The following ABCB11 variants were observed in gnomAD, a reference collection of about 807,000 sequenced individuals.
The protein encoded by ABCB11 is bile salt export pump.
In ABCB11, 95 loss-of-function variants were observed where a neutral mutation model predicts 148.0. The observed-to-expected ratio is 0.64, with a 90% CI of 0.54 to 0.76. ABCB11 has a LOEUF of 0.76. ABCB11 is among the 30% of genes least tolerant of loss of function. The pLI is 0.00. For synonymous variants in ABCB11, 591 were observed against 555.4 expected (o/e 1.06, Z -0.90); for missense variants, 1,523 against 1,617.8 (o/e 0.94, Z 1.01).
Position 168,971,847 on chromosome 2 carries a change from C to T in ABCB11, c.1638G>A (p.Gln546=), listed in dbSNP as rs1558896713. 6.2e-7 allele frequency: 1 copy of T among 1,612,362 alleles called. No individual in the cohort carries two copies. Among genetic ancestry groups the T allele is most frequent in the Admixed American group, 1.7e-5 (1 of 59,884 alleles). ...CCCAGGAATGTATGGCTAGGGGTAC[C>T]TGTGGCAGGTCCATGATGAAGTTGT... ...NAYNFIMDLP[Q]QFDTLVGEGG... The change falls in exon 14 of 28, where the codon CAG becomes CAA. Residue 546 remains glutamine, a splice_region_variant and synonymous_variant. Coordinates refer to ENST00000650372, the MANE Select transcript of ABCB11 (RefSeq NM_003742.4).
intron 11 of ABCB11, among the ~76,000 whole-genome samples, chr2:168,977,198 G>T (rs1693948753): frequency 6.7e-6 from 1 of 150,352 alleles, no homozygotes; most frequent in Admixed American, 6.7e-5. Flanking sequence ...TAATATAGGA[G>T]ACAATGTACT....
intron 18 of ABCB11, among the ~76,000 whole-genome samples, chr2:168,963,013 G>A (rs898343545): frequency 4.6e-5 from 7 of 151,618 alleles, no homozygotes; most frequent in Admixed American, 3.3e-4. Flanking sequence ...ATTTTCATAC[G>A]GTCATAAAGA....
Position 168,972,131 on chromosome 2 carries a change from T to C in ABCB11, c.1435-81A>G, listed in dbSNP as rs1014856481. The C allele has an allele frequency of 7.4e-5, 98 of 1,329,598 alleles. 2 individuals are homozygous for C. In the Admixed American group the frequency reaches 1.9e-3, roughly 26 times the overall value. 82.4% of individuals were successfully genotyped at this position (1,329,598 alleles called of 1,614,324 possible). On this transcript the variant is annotated intron_variant, in intron 13 of 27. Coordinates refer to ENST00000650372, the MANE Select transcript of ABCB11 (RefSeq NM_003742.4). ...ATAATATTATGTCATACTTGACCAA[T>C]GGGCAGAAAAAATAGAGGCCAATAA...
chr2:169,006,433 C>T (rs1044149638), intron 5 of ABCB11, among the ~76,000 whole-genome samples: 8 of 152,034 alleles, frequency 5.3e-5, no homozygotes, highest in African/African-American at 1.9e-4. Flanking sequence ...TAGCTAATGC[C>T]ATACTTAATG....
intron 21 of ABCB11, among the ~76,000 whole-genome samples, chr2:168,942,503 G>T (rs1403561523): frequency 1.8e-4 from 1 of 5,680 alleles, no homozygotes; most frequent in Non-Finnish European, 6.6e-4. Flanking sequence ...TAAAACAAAG[G>T]GTGCAAAAAA....
chr2:168,992,709 C>A (rs1456872750), intron 8 of ABCB11, among the ~76,000 whole-genome samples: 3 of 152,164 alleles, frequency 2.0e-5, no homozygotes, highest in African/African-American at 7.2e-5. Context: ...TCCTGAGTCA[C>A]ACAACCTGTT....
At chr2:168,939,983 C>T (rs542961419) in intron 21 of ABCB11, among the ~76,000 whole-genome samples, 244 of 152,174 alleles carry the variant, frequency 1.6e-3, no homozygotes, top group African/African-American at 5.8e-3. Flanking sequence ...AAAACTTATT[C>T]AATAAATGTG....
chr2:168,986,301 C>T lies in ABCB11; in HGVS notation c.909-17G>A, dbSNP rs7602204. 55,396 of 1,606,816 alleles carry T rather than the reference C, an allele frequency of 0.034. 4,404 individuals carry two copies. The highest frequency in any genetic ancestry group is 0.32 in the African/African-American group (24,018 of 74,470). ...TTCTCATACCTGTGAAGACAAAATGCTTGAGTCAATTTCGGCAGAAACAGC... is the reference window on the plus strand; with the variant it reads ...TTCTCATACCTGTGAAGACAAAATGTTTGAGTCAATTTCGGCAGAAACAGC... On this transcript the variant is annotated splice_polypyrimidine_tract_variant and intron_variant, in intron 9 of 27. Coordinates refer to ENST00000650372, the MANE Select transcript of ABCB11 (RefSeq NM_003742.4).
Position 168,964,260 on chromosome 2 carries a change from G to A in ABCB11, c.2124C>T (p.His708=), listed in dbSNP as rs765432258. 1.5e-5 allele frequency: 23 copies of A among 1,570,766 alleles called. No individual in the cohort carries two copies. The highest frequency in any genetic ancestry group is 1.2e-4 in the East Asian group (5 of 42,874). ...RSKSQLSYLV[H]EPPLAVVDHK... ...GATCTACAACAGCTAATGGAGGTTC[G>A]TGCACCAGGTAAGAAAGCTGAGACT... The change falls in exon 18 of 28, where the codon CAC becomes CAT. Residue 708 remains histidine (H), a synonymous_variant. Coordinates refer to ENST00000650372, the MANE Select transcript of ABCB11 (RefSeq NM_003742.4).
At chr2:169,030,867 T>C (rs1695845639) in intron 1 of ABCB11, among the ~76,000 whole-genome samples, 1 of 152,216 alleles carries the variant, frequency 6.6e-6, no homozygotes, top group South Asian at 2.1e-4. Flanking sequence ...GCAAACAGAA[T>C]TGTGCTTTCA....
chr2:169,004,583 G>A (rs1694967610), intron 5 of ABCB11, among the ~76,000 whole-genome samples: 2 of 152,068 alleles, frequency 1.3e-5, no homozygotes, highest in Admixed American at 1.3e-4. Flanking sequence ...CCTGTATCAT[G>A]TTTTTTATTT....
At chr2:168,952,553 CTGTTA>C (rs1188679537) in intron 19 of ABCB11, among the ~76,000 whole-genome samples, 1 of 150,986 alleles carries the variant, frequency 6.6e-6, no homozygotes, top group Non-Finnish European at 1.5e-5. Flanking sequence ...TCTGTGGTAT[CTGTTA>C]TAATATCTTC....
intron 14 of ABCB11, among the ~76,000 whole-genome samples, chr2:168,971,517 A>T (rs1185895290): frequency 1.3e-5 from 2 of 152,046 alleles, no homozygotes; most frequent in Non-Finnish European, 2.9e-5. Flanking sequence ...ATCTGCTTAG[A>T]CAAATGCTTA....
chr2:168,970,146 C>T lies in ABCB11; in HGVS notation c.1708G>A (p.Ala570Thr), dbSNP rs886043807. 11 of 1,612,798 alleles carry T rather than the reference C, an allele frequency of 6.8e-6. No individual in the cohort carries two copies. The Admixed American group carries it at 1.2e-4, about 17-fold the overall frequency. The change falls in exon 15 of 28, where the codon GCC becomes ACC. Residue 570 changes from alanine to threonine, a missense_variant. Coordinates refer to ENST00000650372, the MANE Select transcript of ABCB11 (RefSeq NM_003742.4). ...TTGGGATTTCGGATGAGGGCTCTGG[C>T]GATAGCTACCCTTTGTTTCTGGCCA... ...SGGQKQRVAI[A>T]RALIRNPKIL...
At chr2:168,960,503 T>C (rs1693020513) in intron 18 of ABCB11, among the ~76,000 whole-genome samples, 1 of 151,732 alleles carries the variant, frequency 6.6e-6, no homozygotes, top group African/African-American at 2.4e-5. Flanking sequence ...GAAGTTATCC[T>C]TAACTCTAAA....
intron 1 of ABCB11, among the ~76,000 whole-genome samples, chr2:169,024,002 A>G (rs1695616537): frequency 6.6e-6 from 1 of 151,994 alleles, no homozygotes; most frequent in African/African-American, 2.4e-5. Context: ...ATATGGATAC[A>G]GGGAGCACAG....
intron 5 of ABCB11, among the ~76,000 whole-genome samples, chr2:168,999,255 T>C (rs1455310472): frequency 6.6e-6 from 1 of 151,798 alleles, no homozygotes; most frequent in Non-Finnish European, 1.5e-5. Flanking sequence ...TGTTTCTTTT[T>C]ACCTTGTTTT....
At chr2:168,944,792 G>A in intron 20 of ABCB11, 26 bp from the exon 21 acceptor site, 1 of 1,610,464 alleles carries the variant, frequency 6.2e-7, no homozygotes, top group South Asian at 1.1e-5. Context: ...GGAGATGTTA[G>A]AGAAATTTTA....
In ABCB11 at chr2:168,996,628, T is replaced by C. The variant is rs1212826557; in HGVS notation, c.477+7A>G. ...TGATCTATAAATTATACGGAGGAGC[T>C]ACTAACTTGAATATATCCTGTGATA... is the stretch of plus-strand genomic sequence containing the variant. On this transcript the variant is annotated splice_region_variant and intron_variant, in intron 6 of 27. Coordinates refer to ENST00000650372, the MANE Select transcript of ABCB11 (RefSeq NM_003742.4). The C allele has an allele frequency of 6.8e-7, 1 of 1,477,414 alleles. No individual in the cohort carries two copies. The highest frequency in any genetic ancestry group is 9.1e-7 in the Non-Finnish European group (1 of 1,095,314). 91.5% of individuals were successfully genotyped at this position (1,477,414 alleles called of 1,614,324 possible). A position where few individuals can be genotyped will look rare whatever the true frequency, so the allele number is the denominator to read the frequency against.
Sources: gnomAD v4.1 joint callset for allele counts (sites outside exome capture counted in the v4.1 genomes callset) on GRCh38, gnomAD v4.1.1 for gene constraint, MANE v1.5 for transcripts, NCBI Gene and HGNC (gene_info 2026-07-23, HGNC 2026-07-21) for gene names.